Variants in BMPER observed in about 807,000 individuals in gnomAD.
BMPER encodes the protein BMP-binding endothelial regulator protein.
BMPER carries 45 observed loss-of-function variants against 87.3 expected under a neutral mutation model. The ratio of observed to expected loss-of-function variants is 0.52; its 90% CI spans 0.41 to 0.66. The LOEUF (loss-of-function observed/expected upper bound fraction) is 0.66. BMPER is among the 30% of genes least tolerant of loss of function. BMPER has a pLI of 0.00. For synonymous variants in BMPER, 326 were observed against 316.2 expected, an observed-to-expected ratio of 1.03 and a Z score of -0.33; for missense variants, 784 against 867.5, an observed-to-expected ratio of 0.90 and a Z score of 1.21.
chr7:34,037,486 G>A (rs1787711680), intron 6 of BMPER, among the ~76,000 whole-genome samples: 1 of 151,980 alleles, frequency 6.6e-6, no homozygotes, highest in Admixed American at 6.6e-5. Flanking sequence ...TAAGAATCTT[G>A]AAATATAGCA....
At chr7:34,058,191 C>T in intron 10 of BMPER, 28 bp downstream of exon 10, 5 of 1,594,640 alleles carry the variant, frequency 3.1e-6, no homozygotes, top group Non-Finnish European at 3.4e-6. Context: ...ATTGACTTTA[C>T]CTTAGCGTCT....
chr7:34,032,172 A>G (rs1401086137), intron 6 of BMPER, among the ~76,000 whole-genome samples: 1 of 151,754 alleles, frequency 6.6e-6, no homozygotes, highest in Non-Finnish European at 1.5e-5. Flanking sequence ...GAAGCTTAGG[A>G]GAAGTTAATT....
intron 6 of BMPER, among the ~76,000 whole-genome samples, chr7:34,017,341 C>T (rs946520152): frequency 5.3e-5 from 8 of 151,838 alleles, no homozygotes; most frequent in Admixed American, 4.6e-4. Context: ...CGCGGTTCCT[C>T]ATGGCTGCGG....
At chr7:33,969,434 C>G (rs528270879) in intron 4 of BMPER, among the ~76,000 whole-genome samples, 1 of 152,210 alleles carries the variant, frequency 6.6e-6, no homozygotes, top group African/African-American at 2.4e-5. Flanking sequence ...GAGTCTCGCT[C>G]TGTCGTCCAG....
intron 3 of BMPER, among the ~76,000 whole-genome samples, chr7:33,966,087 C>T (rs1483461541): frequency 1.3e-5 from 2 of 152,146 alleles, no homozygotes; most frequent in East Asian, 3.9e-4. Context: ...ATGTTTTAAG[C>T]TTCACTTTTG....
intron 13 of BMPER, among the ~76,000 whole-genome samples, chr7:34,129,641 AAAG>A (rs1790521644): frequency 6.7e-6 from 1 of 150,164 alleles, no homozygotes; most frequent in African/African-American, 2.5e-5. Context: ...AGAAAGAAAG[AAAG>A]AAAGAAAGAA....
chr7:34,149,461 T>A (rs1362001961), intron 14 of BMPER, among the ~76,000 whole-genome samples: 2 of 152,056 alleles, frequency 1.3e-5, no homozygotes, highest in Non-Finnish European at 2.9e-5. Flanking sequence ...TAAAACTGAT[T>A]AGACTGGGAA....
chr7:33,906,447 GGT>G (rs1783818685), intron 1 of BMPER, among the ~76,000 whole-genome samples: 3 of 137,856 alleles, frequency 2.2e-5, no homozygotes, highest in African/African-American at 8.0e-5. Context: ...CCAATTTGAG[GGT>G]TTTTTTAAAT....
At chr7:33,948,934 TGA>T (rs370365732) in intron 3 of BMPER, among the ~76,000 whole-genome samples, 53 of 145,924 alleles carry the variant, frequency 3.6e-4, no homozygotes, top group Middle Eastern at 3.5e-3. Context: ...AGAGAGAAAG[TGA>T]GAGAGAGAGA....
At chr7:34,047,044 A>G in intron 7 of BMPER, among the ~76,000 whole-genome samples, 1 of 151,866 alleles carries the variant, frequency 6.6e-6, no homozygotes, top group East Asian at 1.9e-4. Context: ...AAAAGGAAGT[A>G]GATTCCTTGA....
At chr7:34,008,347 C>G (rs1382390400) in intron 6 of BMPER, among the ~76,000 whole-genome samples, 1 of 151,754 alleles carries the variant, frequency 6.6e-6, no homozygotes, top group Non-Finnish European at 1.5e-5. Flanking sequence ...GTAGTATTTT[C>G]TCATGCAGAT....
intron 6 of BMPER, among the ~76,000 whole-genome samples, chr7:34,022,237 G>T (rs575725592): frequency 6.6e-6 from 1 of 152,056 alleles, no homozygotes; most frequent in Admixed American, 6.6e-5. Flanking sequence ...TTCCCACTTA[G>T]TAAGATTTAC....
intron 6 of BMPER, among the ~76,000 whole-genome samples, chr7:33,978,208 G>C (rs117656828): frequency 6.6e-6 from 1 of 152,336 alleles, no homozygotes; most frequent in Non-Finnish European, 1.5e-5. Context: ...TAAGGACACA[G>C]TGTTCCTCTC....
chr7:34,041,343 C>T (rs1048658352), intron 6 of BMPER, among the ~76,000 whole-genome samples: 9 of 152,242 alleles, frequency 5.9e-5, no homozygotes, highest in African/African-American at 1.9e-4. Context: ...TCACTCACTA[C>T]CTATTGGAGG....
At chr7:34,003,420 G>A (rs1786640263) in intron 6 of BMPER, among the ~76,000 whole-genome samples, 1 of 151,728 alleles carries the variant, frequency 6.6e-6, no homozygotes, top group Non-Finnish European at 1.5e-5. Context: ...CGCACTCTAT[G>A]TATTATAAAC....
intron 6 of BMPER, among the ~76,000 whole-genome samples, chr7:34,001,429 T>G (rs1345777566): frequency 6.6e-6 from 1 of 151,892 alleles, no homozygotes; most frequent in Non-Finnish European, 1.5e-5. Flanking sequence ...TCTAGGAGTT[T>G]GTCCATTTCA....
chr7:34,151,233 G>C (rs145573787), intron 14 of BMPER, among the ~76,000 whole-genome samples: 32 of 152,302 alleles, frequency 2.1e-4, no homozygotes, highest in African/African-American at 5.8e-4. Flanking sequence ...CCTCTCTGTT[G>C]TGGTTATTTC....
At chr7:34,072,547 G>A (rs1210247953) in intron 11 of BMPER, among the ~76,000 whole-genome samples, 1 of 151,702 alleles carries the variant, frequency 6.6e-6, no homozygotes, top group Non-Finnish European at 1.5e-5. Context: ...CTTTCACACT[G>A]TAAGGCCCAT....
chr7:33,996,976 T>C (rs765926311), intron 6 of BMPER, among the ~76,000 whole-genome samples: 1 of 152,302 alleles, frequency 6.6e-6, no homozygotes, highest in South Asian at 2.1e-4. Context: ...GTGGCTACCA[T>C]ATTGGACAGT....
Sources: gnomAD v4.1 joint callset for allele counts (sites outside exome capture counted in the v4.1 genomes callset) on GRCh38, gnomAD v4.1.1 for gene constraint, MANE v1.5 for transcripts, NCBI Gene and HGNC (gene_info 2026-07-23, HGNC 2026-07-21) for gene names.